RAP1B: variants seen among roughly 807,000 people sequenced by gnomAD.
RAP1B encodes the protein ras-related protein Rap-1b.
Under a neutral mutation model 27.5 loss-of-function variants are expected in RAP1B, and 1 was observed. The ratio of observed to expected loss-of-function variants is 0.04; its 90% CI spans 0.01 to 0.17. The LOEUF (loss-of-function observed/expected upper bound fraction) is 0.17, where lower values mean the gene tolerates loss of function less well. Ranked by LOEUF, RAP1B falls within the 10% of genes least tolerant of loss-of-function variation. The pLI, the probability that RAP1B is intolerant of heterozygous loss-of-function variation, is 1.00. For missense variants in RAP1B, 84 were observed against 214.8 expected, an observed-to-expected ratio of 0.39 and a Z score of 3.81; for synonymous variants, 75 against 73.1, an observed-to-expected ratio of 1.03 and a Z score of -0.13.
rs1434457974 is a variant in RAP1B, at chr12:68,663,302, A to G, written c.*4053A>G. On this transcript the variant is annotated 3_prime_UTR_variant, in exon 8 of 8. Coordinates refer to ENST00000250559, the MANE Select transcript of RAP1B (RefSeq NM_001010942.3). ...TGGTTTCGAACTCCCGACCCAGGTG[A>G]TCCGCCTGCGTCAGCCTCCCAAAGT... is the stretch of plus-strand genomic sequence containing the variant. 1 of 152,178 alleles carries G rather than the reference A, an allele frequency of 6.6e-6. No individual in the cohort carries two copies. The highest frequency in any genetic ancestry group is 1.5e-5 in the Non-Finnish European group (1 of 68,056). 9.4% of individuals were successfully genotyped at this position (152,178 alleles called of 1,614,324 possible). A position where few individuals can be genotyped will look rare whatever the true frequency, so the allele number is the denominator to read the frequency against.
chr12:68,638,908 G>T lies in RAP1B; in HGVS notation c.-26-9791G>T, dbSNP rs146624168. Among the ~76,000 whole-genome samples the T allele has an allele frequency of 2.6e-3, 398 of 152,202 alleles. 3 individuals are homozygous for T. The highest frequency in any genetic ancestry group is 9.1e-3 in the African/African-American group (378 of 41,530). Reference sequence around the variant, plus strand: ...ATTCCTCACTTCAAGTGATCTGCCTGCCTCGGCCCCGCAAAGTGCTGGGAT... The same window carrying T: ...ATTCCTCACTTCAAGTGATCTGCCTTCCTCGGCCCCGCAAAGTGCTGGGAT... On this transcript the variant is annotated intron_variant, in intron 1 of 7. Coordinates refer to ENST00000250559, the MANE Select transcript of RAP1B (RefSeq NM_001010942.3).
At chr12:68,636,603 T>G (rs149271305) in intron 1 of RAP1B, among the ~76,000 whole-genome samples, 1 of 152,108 alleles carries the variant, frequency 6.6e-6, no homozygotes, top group African/African-American at 2.4e-5. Flanking sequence ...ACTTTATAAA[T>G]TTTTTGTAGA....
At position 68,658,965 on chromosome 12, in the gene RAP1B, C is replaced by T. The variant is rs1874426297; in HGVS notation, c.*31-315C>T. Among the ~76,000 whole-genome samples the T allele has an allele frequency of 3.3e-5, 5 of 152,214 alleles. No homozygotes were observed. In the South Asian group the frequency reaches 8.3e-4, roughly 25 times the overall value. On this transcript the variant is annotated intron_variant, in intron 7 of 7. Transcript: ENST00000250559. ...ATTCTAATAAGGTTGACTTGACTAA[C>T]AATTTTAATGTGATTTTTTTCCTTT...
rs552188997 is a variant in RAP1B, at chr12:68,622,926, T to G, written c.-27+11883T>G. On this transcript the variant is annotated intron_variant, in intron 1 of 7. Transcript: ENST00000250559. ...AATCTTGCCCAGGCTAGTCTGGAAC[T>G]ACTGGGCTCAAGGATCTTCCTGCCT... is the stretch of plus-strand genomic sequence containing the variant. Among the ~76,000 whole-genome samples, 5 of 152,370 alleles carry G rather than the reference T, an allele frequency of 3.3e-5. No individual in the cohort carries two copies. The South Asian group carries it at 1.0e-3, about 32-fold the overall frequency.
At chr12:68,631,376 A>G (rs1356573784) in intron 1 of RAP1B, among the ~76,000 whole-genome samples, 3 of 152,180 alleles carry the variant, frequency 2.0e-5, no homozygotes, top group Non-Finnish European at 4.4e-5. Flanking sequence ...TACCATGCCT[A>G]GATGTATTGT....
chr12:68,631,203 C>T (rs1234803037), intron 1 of RAP1B, among the ~76,000 whole-genome samples: 1 of 152,152 alleles, frequency 6.6e-6, no homozygotes, highest in Non-Finnish European at 1.5e-5. Flanking sequence ...ATAGCAGATA[C>T]TTAATATCCA....
At chr12:68,632,098 TGAAG>T in intron 1 of RAP1B, among the ~76,000 whole-genome samples, 1 of 151,030 alleles carries the variant, frequency 6.6e-6, no homozygotes, top group East Asian at 1.9e-4. Context: ...AAAATGAACA[TGAAG>T]GAAACAGTTT....
intron 1 of RAP1B, among the ~76,000 whole-genome samples, chr12:68,632,564 A>G (rs557000001): frequency 6.6e-6 from 1 of 152,294 alleles, no homozygotes; most frequent in South Asian, 2.1e-4. Flanking sequence ...AATGTGGGAA[A>G]ATTTTGACTA....
intron 1 of RAP1B, 47 bp downstream of exon 1, chr12:68,611,090 C>CCG (rs903717444): frequency 5.6e-5 from 12 of 213,732 alleles, no homozygotes; most frequent in Non-Finnish European, 9.1e-5. Flanking sequence ...GCGGCGGCGG[C>CCG]CGCGCGGGGC....
In RAP1B at chr12:68,667,979, T is replaced by G. The variant is rs1217163415; in HGVS notation, c.*8730T>G. 6.6e-6 allele frequency: 1 copy of G among 152,152 alleles called. No individual in the cohort carries two copies. The highest frequency in any genetic ancestry group is 1.9e-4 in the East Asian group (1 of 5,194). 9.4% of individuals were successfully genotyped at this position (152,152 alleles called of 1,614,324 possible). On this transcript the variant is annotated 3_prime_UTR_variant, in exon 8 of 8. Transcript: ENST00000250559. ...CATTGGCCACTATCATACCACTAAT[T>G]TTATTCCACCAATGCTTTCACAGAG...
intron 1 of RAP1B, among the ~76,000 whole-genome samples, chr12:68,634,891 C>G (rs1872525569): frequency 6.6e-6 from 1 of 152,102 alleles, no homozygotes; most frequent in Non-Finnish European, 1.5e-5. Flanking sequence ...GATTTACTAG[C>G]AGTATTAATC....
chr12:68,635,484 G>C (rs749895508), intron 1 of RAP1B, among the ~76,000 whole-genome samples: 5 of 151,998 alleles, frequency 3.3e-5, no homozygotes, highest in African/African-American at 7.2e-5. Flanking sequence ...TTGAGACAGA[G>C]TCACTCTGTC....
chr12:68,612,673 A>G (rs1870689935), intron 1 of RAP1B, among the ~76,000 whole-genome samples: 1 of 152,256 alleles, frequency 6.6e-6, no homozygotes, highest in South Asian at 2.1e-4. Context: ...AGAAAAAACC[A>G]CTTGAGTAGT....
rs1294033336 is a variant in RAP1B at position 68,657,031 on chromosome 12, C to T, written c.469-70C>T. 3.8e-6 allele frequency: 5 copies of T among 1,303,508 alleles called. No homozygotes were observed. In the Admixed American group the frequency reaches 5.9e-5, roughly 15 times the overall value. The allele number at this position is 1,303,508 out of a possible 1,614,324, so 80.7% of individuals were successfully genotyped here. Reference sequence around the variant, plus strand: ...ATATCCATGGAAATTTCTGTTTTTTCAATTTACTTTTTTCATTGGGGGGGA... The same window carrying T: ...ATATCCATGGAAATTTCTGTTTTTTTAATTTACTTTTTTCATTGGGGGGGA... On this transcript the variant is annotated intron_variant, in intron 6 of 7. Transcript: ENST00000250559.
At chr12:68,616,665 C>G (rs1381727990) in intron 1 of RAP1B, among the ~76,000 whole-genome samples, 1 of 151,676 alleles carries the variant, frequency 6.6e-6, no homozygotes, top group Non-Finnish European at 1.5e-5. Flanking sequence ...AATTCCTGAC[C>G]TCAGGTGATC....
rs888907347 is a variant in RAP1B at position 68,643,088 on chromosome 12, T to C, written c.-26-5611T>C. 6.3e-6 allele frequency: 4 copies of C among 630,122 alleles called. No individual in the cohort carries two copies. The Admixed American group carries it at 1.2e-4, about 18-fold the overall frequency. The allele number at this position is 630,122 out of a possible 1,614,324, so 39.0% of individuals were successfully genotyped here. On this transcript the variant is annotated intron_variant, in intron 1 of 7. Coordinates refer to ENST00000250559, the MANE Select transcript of RAP1B (RefSeq NM_001010942.3). ...TCATCTTAAAATTTCTTTCAGAGTT[T>C]TTCTGTTGATTATAGTTTTTGTTTT... is the stretch of plus-strand genomic sequence containing the variant.
In RAP1B at chr12:68,625,920, CAAA is replaced by C. The variant is rs770271886; in HGVS notation, c.-27+14890_-27+14892del. Among the ~76,000 whole-genome samples, 5 of 117,262 alleles carry C rather than the reference CAAA, an allele frequency of 4.3e-5. No homozygotes were observed. The East Asian group carries it at 9.9e-4, about 23-fold the overall frequency. The allele number at this position is 117,262 out of a possible 152,430, so 76.9% of individuals were successfully genotyped here. A position where few individuals can be genotyped will look rare whatever the true frequency, so the allele number is the denominator to read the frequency against. On this transcript the variant is annotated intron_variant, in intron 1 of 7. Coordinates refer to ENST00000250559, the MANE Select transcript of RAP1B (RefSeq NM_001010942.3). ...CTGGCGATAGAGCGAGACTCTGTCTCAAAAAAAAAAAAAAAGTTTCAGGTGTAT... is the reference window on the plus strand; with the variant it reads ...CTGGCGATAGAGCGAGACTCTGTCTCAAAAAAAAAAAAGTTTCAGGTGTAT...
rs924541950 is a variant in RAP1B at position 68,671,230 on chromosome 12, GA to G, written c.*11982del. The G allele has an allele frequency of 1.6e-4, 24 of 152,218 alleles. No homozygotes were observed. The East Asian group carries it at 2.3e-3, about 15-fold the overall frequency. 9.4% of individuals were successfully genotyped at this position (152,218 alleles called of 1,614,324 possible). On this transcript the variant is annotated 3_prime_UTR_variant, in exon 8 of 8. Transcript: ENST00000250559. ...TTCAGAGAACACTACAGTCCCAGAA[GA>G]GAGGTAAAGGGCAAGAAATGAATCA... is the stretch of plus-strand genomic sequence containing the variant.
intron 5 of RAP1B, 46 bp downstream of exon 5, chr12:68,654,298 T>A: frequency 4.4e-6 from 5 of 1,145,760 alleles, no homozygotes; most frequent in Non-Finnish European, 5.7e-6. Context: ...AAACCCTGAT[T>A]ATAATTGTTT....
Sources: gnomAD v4.1 joint callset for allele counts (sites outside exome capture counted in the v4.1 genomes callset) on GRCh38, gnomAD v4.1.1 for gene constraint, MANE v1.5 for transcripts, NCBI Gene and HGNC (gene_info 2026-07-23, HGNC 2026-07-21) for gene names.